Variants in SYT14 observed in about 807,000 individuals in gnomAD.
The protein encoded by SYT14 is synaptotagmin-14.
A neutral mutation model predicts 74.2 loss-of-function variants in SYT14; 32 were observed. That is an observed-to-expected ratio of 0.43 (90% CI 0.33 to 0.58). SYT14 has a LOEUF of 0.58. Among genes scored for constraint, SYT14 ranks in the 20% least tolerant of loss-of-function variants. The pLI, the probability that SYT14 is intolerant of heterozygous loss-of-function variation, is 0.05. For missense variants in SYT14, 791 were observed against 981.8 expected, an observed-to-expected ratio of 0.81 and a Z score of 2.60; for synonymous variants, 298 against 337.7, an observed-to-expected ratio of 0.88 and a Z score of 1.29.
At chr1:210,020,907 A>T (rs1213521748) in intron 4 of SYT14, 132 bp from the exon 4 acceptor site, 1 of 702,890 alleles carries the variant, frequency 1.4e-6, no homozygotes, top group East Asian at 2.7e-5. Flanking sequence ...GTGTGTGTTT[A>T]TATATATAAC....
intron 5 of SYT14, among the ~76,000 whole-genome samples, chr1:210,039,570 A>G (rs2080740783): frequency 6.6e-6 from 1 of 152,190 alleles, no homozygotes; most frequent in African/African-American, 2.4e-5. Flanking sequence ...TTCACAGCAA[A>G]AGAAACTGTC....
chr1:210,125,227 C>G (rs1038118124), intron 7 of SYT14, among the ~76,000 whole-genome samples: 5 of 151,672 alleles, frequency 3.3e-5, no homozygotes, highest in African/African-American at 1.2e-4. Flanking sequence ...ACCCTCCCCC[C>G]TTTTGAAATT....
chr1:209,969,940 A>G (rs555257739), intron 2 of SYT14, among the ~76,000 whole-genome samples: 2 of 152,006 alleles, frequency 1.3e-5, no homozygotes. Context: ...TTTATTTCTT[A>G]TAGATTCTGG....
At chr1:210,152,304 G>A (rs1189978572) in intron 7 of SYT14, among the ~76,000 whole-genome samples, 1 of 152,126 alleles carries the variant, frequency 6.6e-6, no homozygotes, top group African/African-American at 2.4e-5. Context: ...CTCCAGGTAT[G>A]TATTAATTCT....
rs564374019 is a variant in SYT14, at chr1:209,973,769, C to A, written c.-486+21013C>A. ...TCAAATGGTATTTCTAGTTCTAGAT[C>A]CCTGAGGAATTGCCACACTGACTTC... On this transcript the variant is annotated intron_variant, in intron 2 of 9. Coordinates refer to ENST00000637265, the Ensembl canonical transcript of SYT14. Among the ~76,000 whole-genome samples, 9 of 152,248 alleles carry A rather than the reference C, an allele frequency of 5.9e-5. No homozygotes were observed. The East Asian group carries it at 1.7e-3, about 29-fold the overall frequency.
chr1:209,999,995 A>T (rs906828722), intron 2 of SYT14, among the ~76,000 whole-genome samples: 2 of 152,164 alleles, frequency 1.3e-5, no homozygotes, highest in Non-Finnish European at 2.9e-5. Context: ...CTATTCTTGT[A>T]ACAAAATATC....
chr1:210,014,478 A>G (rs1419631148), intron 3 of SYT14, among the ~76,000 whole-genome samples: 2 of 150,642 alleles, frequency 1.3e-5, no homozygotes, highest in African/African-American at 4.9e-5. Flanking sequence ...AGACTGGTTT[A>G]TAAAAATGAT....
chr1:210,122,552 G>A (rs920856135), intron 7 of SYT14, among the ~76,000 whole-genome samples: 3 of 151,184 alleles, frequency 2.0e-5, no homozygotes, highest in Non-Finnish European at 4.4e-5. Context: ...TTTCTGTAAA[G>A]TGCCAGAGAG....
intron 7 of SYT14, among the ~76,000 whole-genome samples, chr1:210,115,927 G>C (rs2102595403): frequency 6.6e-6 from 1 of 151,254 alleles, no homozygotes; most frequent in African/African-American, 2.5e-5. Flanking sequence ...CAGGCAGGCT[G>C]AGTCCGAAAA....
chr1:210,085,830 A>G (rs1006174583), intron 5 of SYT14, among the ~76,000 whole-genome samples: 2 of 152,036 alleles, frequency 1.3e-5, no homozygotes, highest in African/African-American at 4.8e-5. Context: ...CACGGGAGAG[A>G]TTGGTTTATA....
At chr1:210,019,874 T>C (rs2080266831) in intron 4 of SYT14, among the ~76,000 whole-genome samples, 1 of 152,192 alleles carries the variant, frequency 6.6e-6, no homozygotes, top group Non-Finnish European at 1.5e-5. Context: ...AGTTTCAAAG[T>C]GGTTACCTTT....
At chr1:210,023,246 A>G (rs1350488456) in intron 5 of SYT14, among the ~76,000 whole-genome samples, 2 of 152,164 alleles carry the variant, frequency 1.3e-5, no homozygotes, top group African/African-American at 4.8e-5. Context: ...CAAAAAACCT[A>G]CTGACTGGAG....
chr1:209,969,848 T>G (rs2079218218), intron 2 of SYT14, among the ~76,000 whole-genome samples: 1 of 152,162 alleles, frequency 6.6e-6, no homozygotes, highest in Non-Finnish European at 1.5e-5. Context: ...GTTTGTTGGC[T>G]GCTTGTATGT....
At chr1:209,989,146 G>A (rs1183649054) in intron 2 of SYT14, among the ~76,000 whole-genome samples, 2 of 152,026 alleles carry the variant, frequency 1.3e-5, no homozygotes, top group Non-Finnish European at 2.9e-5. Context: ...GCTCTGTCTT[G>A]TTTTAGTGTT....
At chr1:210,135,272 G>A (rs1249285560) in intron 7 of SYT14, among the ~76,000 whole-genome samples, 3 of 151,898 alleles carry the variant, frequency 2.0e-5, no homozygotes, top group South Asian at 2.1e-4. Context: ...ATGAGCCACC[G>A]CACCTGGCTT....
chr1:210,040,005 G>A lies in SYT14; in HGVS notation c.1312+18751G>A, dbSNP rs150498530. Among the ~76,000 whole-genome samples the A allele has an allele frequency of 5.5e-3, 830 of 152,092 alleles. 4 individuals are homozygous for A. The highest frequency in any genetic ancestry group is 0.018 in the African/African-American group (757 of 41,514). On this transcript the variant is annotated intron_variant, in intron 5 of 9. Coordinates refer to ENST00000637265, the Ensembl canonical transcript of SYT14. ...TCAAGGATGTAGAACCAGAAATACC[G>A]TTAGACTCAGCAATCCCATTCCCAA...
intron 5 of SYT14, among the ~76,000 whole-genome samples, chr1:210,048,016 A>G (rs182680038): frequency 6.6e-6 from 1 of 152,250 alleles, no homozygotes; most frequent in East Asian, 1.9e-4. Flanking sequence ...ATTTTGGAAG[A>G]CCTTTTTCCA....
intron 2 of SYT14, among the ~76,000 whole-genome samples, chr1:209,958,509 T>G (rs1233545995): frequency 6.6e-6 from 1 of 152,188 alleles, no homozygotes; most frequent in Non-Finnish European, 1.5e-5. Flanking sequence ...CTGAGATTTC[T>G]TATTCTTGAA....
At chr1:210,145,316 A>G (rs1292083224) in intron 7 of SYT14, among the ~76,000 whole-genome samples, 2 of 152,190 alleles carry the variant, frequency 1.3e-5, no homozygotes, top group Non-Finnish European at 2.9e-5. Context: ...GTCATGCAGC[A>G]TATTTGGCCT....
Sources: gnomAD v4.1 joint callset for allele counts (sites outside exome capture counted in the v4.1 genomes callset) on GRCh38, gnomAD v4.1.1 for gene constraint, MANE v1.5 for transcripts, NCBI Gene and HGNC (gene_info 2026-07-23, HGNC 2026-07-21) for gene names.